The following MDFIC2 variants were observed in gnomAD, a reference collection of about 807,000 sequenced individuals.
MDFIC2 encodes the protein myoD family inhibitor domain-containing protein 2.
At chr3:70,231,134 C>T (rs2106744527) in intron 2 of MDFIC2, among the ~76,000 whole-genome samples, 1 of 152,290 alleles carries the variant, frequency 6.6e-6, no homozygotes, top group South Asian at 2.1e-4. Flanking sequence ...AGGGCATTTT[C>T]GTACATGTAC....
chr3:70,295,066 A>G (rs1702276500), intron 2 of MDFIC2, among the ~76,000 whole-genome samples: 2 of 152,140 alleles, frequency 1.3e-5, no homozygotes, highest in African/African-American at 4.8e-5. Flanking sequence ...TGTTGCCTAA[A>G]ATTATCATTG....
At chr3:70,214,281 G>A (rs916485795) in intron 2 of MDFIC2, among the ~76,000 whole-genome samples, 1 of 152,058 alleles carries the variant, frequency 6.6e-6, no homozygotes, top group Non-Finnish European at 1.5e-5. Context: ...TCAAGTTAAA[G>A]TCACAGTCGT....
chr3:70,228,898 A>G (rs1701533573), intron 2 of MDFIC2, among the ~76,000 whole-genome samples: 2 of 152,158 alleles, frequency 1.3e-5, no homozygotes, highest in Admixed American at 6.5e-5. Context: ...GTACGTGAGG[A>G]GAAACTCAGC....
chr3:70,275,384 A>G (rs1394845057), intron 2 of MDFIC2, among the ~76,000 whole-genome samples: 1 of 152,040 alleles, frequency 6.6e-6, no homozygotes, highest in East Asian at 1.9e-4. Context: ...GTGTGGTGGC[A>G]TGTGCCTGTA....
At chr3:70,238,541 G>T (rs1209611660) in intron 2 of MDFIC2, among the ~76,000 whole-genome samples, 1 of 151,982 alleles carries the variant, frequency 6.6e-6, no homozygotes, top group Non-Finnish European at 1.5e-5. Flanking sequence ...AAGCCTGGGT[G>T]GTGAAGGCTG....
At chr3:70,258,912 A>AT (rs1002557439) in intron 2 of MDFIC2, among the ~76,000 whole-genome samples, 11 of 151,540 alleles carry the variant, frequency 7.3e-5, no homozygotes, top group Admixed American at 3.9e-4. Flanking sequence ...AATTTCTTTA[A>AT]TTTTTTCACA....
intron 2 of MDFIC2, among the ~76,000 whole-genome samples, chr3:70,247,942 T>G (rs919354159): frequency 6.6e-6 from 1 of 152,112 alleles, no homozygotes; most frequent in Non-Finnish European, 1.5e-5. Context: ...ATGAGATCAA[T>G]CATTACATTC....
At chr3:70,298,274 A>C (rs1233155736) in intron 2 of MDFIC2, among the ~76,000 whole-genome samples, 1 of 152,062 alleles carries the variant, frequency 6.6e-6, no homozygotes, top group Non-Finnish European at 1.5e-5. Flanking sequence ...TTTTCCCCAC[A>C]CTTTGATGTG....
intron 2 of MDFIC2, chr3:70,302,775 A>C (rs141747063): frequency 1.3e-5 from 2 of 152,262 alleles, no homozygotes; most frequent in African/African-American, 4.8e-5. Context: ...ACTTATCGGG[A>C]CTTTGCACTG....
intron 2 of MDFIC2, among the ~76,000 whole-genome samples, chr3:70,244,748 C>T (rs752231148): frequency 1.2e-4 from 19 of 152,170 alleles, no homozygotes; most frequent in Admixed American, 2.6e-4. Flanking sequence ...TAAAATGGTA[C>T]TTATATTTTG....
chr3:70,274,066 T>TGTG (rs1553650995), intron 2 of MDFIC2, among the ~76,000 whole-genome samples: 1 of 147,918 alleles, frequency 6.8e-6, no homozygotes, highest in Non-Finnish European at 1.5e-5. Context: ...CGTGTGTGTG[T>TGTG]GTGTGTGTGT....
At chr3:70,285,563 G>T (rs1702152692) in intron 2 of MDFIC2, among the ~76,000 whole-genome samples, 1 of 151,782 alleles carries the variant, frequency 6.6e-6, no homozygotes, top group Admixed American at 6.6e-5. Flanking sequence ...AGTCCTTTGG[G>T]TATATACCCA....
intron 2 of MDFIC2, among the ~76,000 whole-genome samples, chr3:70,296,920 A>T (rs1279334310): frequency 1.3e-5 from 2 of 152,050 alleles, no homozygotes; most frequent in African/African-American, 4.8e-5. Context: ...CATATGGCTA[A>T]TAAATCCAGT....
In MDFIC2 at chr3:70,206,632, C is replaced by T; in HGVS notation, c.247G>A (p.Glu83Lys). ...AGGTAAGAAAATGTTGTTTGGCATT[C>T]TTCAAGGGAGGACAGTGATGTGCTG... Reference protein sequence around the residue: ...ESSTSLSSLEECQTTFSYLQT... With the variant: ...ESSTSLSSLEKCQTTFSYLQT... Residue 83 changes from glutamate (E) to lysine (K), a missense_variant, in exon 3 of 4, where the codon GAA becomes AAA. Physicochemically the swap from Glu to Lys is moderately conservative, Grantham distance 56. Transcript: ENST00000567252. 2.5e-6 allele frequency: 1 copy of T among 397,832 alleles called. No individual in the cohort carries two copies. 24.6% of individuals were successfully genotyped at this position (397,832 alleles called of 1,614,324 possible).
chr3:70,310,318 CT>C (rs1702442678), intron 2 of MDFIC2, among the ~76,000 whole-genome samples: 1 of 151,666 alleles, frequency 6.6e-6, no homozygotes, highest in Non-Finnish European at 1.5e-5. Context: ...AAATAATCAT[CT>C]TTTTTCTTTT....
Position 70,206,646 on chromosome 3 carries a change from A to C in MDFIC2, c.233T>G (p.Leu78Arg), listed in dbSNP as rs1701293307. The C allele has an allele frequency of 2.5e-6, 1 of 397,816 alleles. No homozygotes were observed. The highest frequency in any genetic ancestry group is 2.1e-5 in the African/African-American group (1 of 48,586). 24.6% of individuals were successfully genotyped at this position (397,816 alleles called of 1,614,324 possible). A position where few individuals can be genotyped will look rare whatever the true frequency, so the allele number is the denominator to read the frequency against. Residue 78 changes from leucine to arginine, a missense_variant, in exon 3 of 4, where the codon CTG (leucine) becomes CGG (arginine). Physicochemically the swap from Leu to Arg is moderately radical, Grantham distance 102 (BLOSUM62 -2). Transcript: ENST00000567252. ...TGTTTGGCATTCTTCAAGGGAGGAC[A>C]GTGATGTGCTGGATTCTGACAGTTT... ...EKKLSESSTSLSSLEECQTTF... is the reference protein window; with the variant it reads ...EKKLSESSTSRSSLEECQTTF...
At chr3:70,197,268 A>G in intron 3 of MDFIC2, 83 bp from the exon 4 acceptor site, 1 of 397,732 alleles carries the variant, frequency 2.5e-6, no homozygotes, top group Admixed American at 4.4e-5. Context: ...GATACTTGAT[A>G]ACTTGATAGC....
chr3:70,232,969 G>A (rs1485987371), intron 2 of MDFIC2, among the ~76,000 whole-genome samples: 1 of 152,080 alleles, frequency 6.6e-6, no homozygotes, highest in Non-Finnish European at 1.5e-5. Context: ...GAGGCAGATC[G>A]CTTGAGGCCA....
chr3:70,266,980 G>A (rs1336572225), intron 2 of MDFIC2, among the ~76,000 whole-genome samples: 1 of 152,128 alleles, frequency 6.6e-6, no homozygotes, highest in South Asian at 2.1e-4. Flanking sequence ...AACATGCTTG[G>A]ATGGAGACTG....
Sources: gnomAD v4.1 joint callset for allele counts (sites outside exome capture counted in the v4.1 genomes callset) on GRCh38, gnomAD v4.1.1 for gene constraint, MANE v1.5 for transcripts, NCBI Gene and HGNC (gene_info 2026-07-23, HGNC 2026-07-21) for gene names.